Variants in NKAIN3 observed in about 807,000 individuals in gnomAD.
NKAIN3 encodes the protein sodium/potassium-transporting ATPase subunit beta-1-interacting protein 3.
NKAIN3 carries 25 observed loss-of-function variants against 30.2 expected under a neutral mutation model. That is an observed-to-expected ratio of 0.83 (90% confidence interval 0.60 to 1.16). The LOEUF (loss-of-function observed/expected upper bound fraction) is 1.16. Ranked by LOEUF, NKAIN3 falls within the 50% of genes most tolerant of loss-of-function variation. NKAIN3 has a pLI of 0.00. For synonymous variants in NKAIN3, 91 were observed against 89.6 expected, an observed-to-expected ratio of 1.02 and a Z score of -0.09; for missense variants, 225 against 254.1, an observed-to-expected ratio of 0.89 and a Z score of 0.78.
chr8:62,398,630 A>G (rs535404624), intron 1 of NKAIN3, among the ~76,000 whole-genome samples: 2 of 152,358 alleles, frequency 1.3e-5, no homozygotes, highest in East Asian at 1.9e-4. Flanking sequence ...GATTATTCAC[A>G]TAGGTAGTAT....
chr8:62,978,763 C>T lies in NKAIN3; in HGVS notation c.*13356C>T, dbSNP rs183013696. 68 of 152,968 alleles carry T rather than the reference C, an allele frequency of 4.4e-4. No individual in the cohort carries two copies. The highest frequency in any genetic ancestry group is 4.6e-3 in the Middle Eastern group (2 of 432). 9.5% of individuals were successfully genotyped at this position (152,968 alleles called of 1,614,324 possible). A position where few individuals can be genotyped will look rare whatever the true frequency, so the allele number is the denominator to read the frequency against. On this transcript the variant is annotated 3_prime_UTR_variant, in exon 7 of 7. Transcript: ENST00000623646. ...TGGCATTCCAGACAACTCTGGGGTA[C>T]GAAAAAAACTCCTACAGCTAGCTCA...
At chr8:62,472,856 A>G (rs977636164) in intron 1 of NKAIN3, among the ~76,000 whole-genome samples, 3 of 152,214 alleles carry the variant, frequency 2.0e-5, no homozygotes, top group African/African-American at 7.2e-5. Flanking sequence ...ATGCTCATTC[A>G]TGTTCCAGAC....
At chr8:62,905,796 G>A (rs1431117197) in intron 4 of NKAIN3, among the ~76,000 whole-genome samples, 1 of 152,106 alleles carries the variant, frequency 6.6e-6, no homozygotes, top group Non-Finnish European at 1.5e-5. Flanking sequence ...CTGGTTTCTA[G>A]TCTTCTCTCC....
intron 1 of NKAIN3, among the ~76,000 whole-genome samples, chr8:62,383,687 C>G (rs1488574684): frequency 6.6e-6 from 1 of 152,162 alleles, no homozygotes; most frequent in East Asian, 1.9e-4. Flanking sequence ...CCTTCACCAT[C>G]CTTTTGCTTT....
chr8:62,492,539 T>C (rs533471233), intron 1 of NKAIN3, among the ~76,000 whole-genome samples: 6 of 152,288 alleles, frequency 3.9e-5, no homozygotes, highest in African/African-American at 1.4e-4. Flanking sequence ...GGTACCCAAC[T>C]CTGTCTGCAA....
intron 3 of NKAIN3, among the ~76,000 whole-genome samples, chr8:62,691,357 T>C (rs1813960370): frequency 6.6e-6 from 1 of 152,018 alleles, no homozygotes; most frequent in African/African-American, 2.4e-5. Context: ...ATCCTGACGC[T>C]GTTCCAACTG....
intron 1 of NKAIN3, among the ~76,000 whole-genome samples, chr8:62,359,092 A>G (rs1010659905): frequency 4.6e-5 from 7 of 152,126 alleles, no homozygotes; most frequent in Non-Finnish European, 8.8e-5. Flanking sequence ...CTGAGGCAGG[A>G]GAATAGTGTG....
At chr8:62,850,230 T>C (rs1034729420) in intron 4 of NKAIN3, among the ~76,000 whole-genome samples, 1 of 152,138 alleles carries the variant, frequency 6.6e-6, no homozygotes, top group Admixed American at 6.5e-5. Flanking sequence ...TTTTCATGTG[T>C]CTTTTGGCTG....
chr8:62,689,100 A>G (rs552944827), intron 3 of NKAIN3, among the ~76,000 whole-genome samples: 3 of 152,220 alleles, frequency 2.0e-5, no homozygotes, highest in Non-Finnish European at 4.4e-5. Context: ...AAGGAAAATA[A>G]GTTTTAAGAG....
intron 1 of NKAIN3, among the ~76,000 whole-genome samples, chr8:62,321,131 C>T (rs190779202): frequency 1.2e-4 from 19 of 152,306 alleles, no homozygotes; most frequent in Admixed American, 1.2e-3. Context: ...AAATCAGCTA[C>T]TGAGGCTTGT....
intron 3 of NKAIN3, among the ~76,000 whole-genome samples, chr8:62,649,353 G>C (rs1483266874): frequency 6.6e-6 from 1 of 152,144 alleles, no homozygotes; most frequent in Non-Finnish European, 1.5e-5. Context: ...GCAAACAATT[G>C]TGAGTGACTC....
At chr8:62,673,435 G>A (rs1813372601) in intron 3 of NKAIN3, among the ~76,000 whole-genome samples, 1 of 152,154 alleles carries the variant, frequency 6.6e-6, no homozygotes, top group Non-Finnish European at 1.5e-5. Context: ...CAATCTTTAT[G>A]ACTTGCCACA....
chr8:62,738,134 A>G (rs2130561467), intron 3 of NKAIN3, among the ~76,000 whole-genome samples: 1 of 152,310 alleles, frequency 6.6e-6, no homozygotes, highest in East Asian at 1.9e-4. Context: ...TCCCACCAAC[A>G]GTGTAAAATC....
intron 4 of NKAIN3, among the ~76,000 whole-genome samples, chr8:62,812,631 T>C (rs1818526499): frequency 6.6e-6 from 1 of 151,864 alleles, no homozygotes; most frequent in South Asian, 2.1e-4. Flanking sequence ...TTAGAATTTT[T>C]TCATATAGAC....
At chr8:62,427,922 T>G (rs899582814) in intron 1 of NKAIN3, among the ~76,000 whole-genome samples, 5 of 151,964 alleles carry the variant, frequency 3.3e-5, no homozygotes, top group Non-Finnish European at 7.4e-5. Context: ...ATTGTGCTAC[T>G]GAACATTAGA....
chr8:62,805,563 A>G (rs1818247422), intron 4 of NKAIN3, among the ~76,000 whole-genome samples: 1 of 152,104 alleles, frequency 6.6e-6, no homozygotes, highest in African/African-American at 2.4e-5. Flanking sequence ...AGGATTCCCT[A>G]TTTAATAAAT....
At chr8:62,794,632 T>C (rs572678797) in intron 4 of NKAIN3, among the ~76,000 whole-genome samples, 1 of 152,286 alleles carries the variant, frequency 6.6e-6, no homozygotes, top group African/African-American at 2.4e-5. Flanking sequence ...TCTTCTAGCC[T>C]CATGTTCTTT....
intron 3 of NKAIN3, among the ~76,000 whole-genome samples, chr8:62,611,376 T>C (rs2130186966): frequency 6.6e-6 from 1 of 152,274 alleles, no homozygotes; most frequent in East Asian, 1.9e-4. Flanking sequence ...TATTGTGCTA[T>C]CAAGTACTAA....
At chr8:62,305,632 C>T (rs1246948640) in intron 1 of NKAIN3, among the ~76,000 whole-genome samples, 1 of 150,408 alleles carries the variant, frequency 6.6e-6, no homozygotes, top group East Asian at 1.9e-4. Context: ...AAATATCTGT[C>T]CAGGATGCTG....
Sources: gnomAD v4.1 joint callset for allele counts (sites outside exome capture counted in the v4.1 genomes callset) on GRCh38, gnomAD v4.1.1 for gene constraint, MANE v1.5 for transcripts, NCBI Gene and HGNC (gene_info 2026-07-23, HGNC 2026-07-21) for gene names.